The following TRIP12 variants were observed in gnomAD, a reference collection of about 807,000 sequenced individuals.
TRIP12 encodes the protein E3 ubiquitin-protein ligase TRIP12.
Under a neutral mutation model 244.2 loss-of-function variants are expected in TRIP12, and 25 were observed. The ratio of observed to expected loss-of-function variants is 0.10; its 90% confidence interval spans 0.07 to 0.14. The LOEUF (loss-of-function observed/expected upper bound fraction) is 0.14, where lower values mean the gene tolerates loss of function less well. Ranked by LOEUF, TRIP12 falls within the 10% of genes least tolerant of loss-of-function variation. The pLI is 1.00. For synonymous variants in TRIP12, 905 were observed against 873.1 expected (o/e 1.04, Z -0.64); for missense variants, 1,677 against 2,486.4 (o/e 0.67, Z 6.92).
chr2:229,887,499 C>A (rs1441553191), intron 1 of TRIP12, among the ~76,000 whole-genome samples: 1 of 152,096 alleles, frequency 6.6e-6, no homozygotes, highest in Non-Finnish European at 1.5e-5. Context: ...GGAGGCAGAT[C>A]AAGTAGAAAG....
intron 1 of TRIP12, among the ~76,000 whole-genome samples, chr2:229,884,455 T>G (rs1234768662): frequency 6.6e-6 from 1 of 152,050 alleles, no homozygotes; most frequent in Non-Finnish European, 1.5e-5. Context: ...CAGGCTGGTC[T>G]TGAACTCATG....
At chr2:229,907,894 A>G (rs955626430) in intron 1 of TRIP12, among the ~76,000 whole-genome samples, 3 of 152,168 alleles carry the variant, frequency 2.0e-5, no homozygotes, top group African/African-American at 7.2e-5. Flanking sequence ...ACATATATTA[A>G]CTAATTTAAT....
At chr2:229,780,705 T>G (rs376155276) in intron 34 of TRIP12, among the ~76,000 whole-genome samples, 1 of 152,326 alleles carries the variant, frequency 6.6e-6, no homozygotes, top group East Asian at 1.9e-4. Context: ...TCCACTCAAA[T>G]GTCCTCAGAC....
rs777620744 is a variant in TRIP12 at position 229,859,559 on chromosome 2, T to C, written c.240A>G (p.Ser80=). The change falls in exon 4 of 42, where the codon TCA becomes TCG. Residue 80 remains serine, a synonymous_variant. Coordinates refer to ENST00000675903, the MANE Select transcript of TRIP12 (RefSeq NM_001348323.3). ...GHLSKRSCSS[S]SAVIVPQPED... Reference sequence around the variant, plus strand: ...CTGGTTGTGGAACTATCACAGCAGATGATGAACTGCAGCTTCTAAGAGGTT... The same window carrying C: ...CTGGTTGTGGAACTATCACAGCAGACGATGAACTGCAGCTTCTAAGAGGTT... 7 of 1,612,244 alleles carry C rather than the reference T, an allele frequency of 4.3e-6. No individual in the cohort carries two copies. Among genetic ancestry groups the C allele is most frequent in the South Asian group, 1.1e-5 (1 of 90,956 alleles).
chr2:229,769,284 A>C lies in TRIP12; in HGVS notation c.5850T>G (p.Asp1950Glu). Residue 1950 changes from aspartate (D) to glutamate (E), a missense_variant, in exon 40 of 42, where the codon GAT (aspartate) becomes GAG (glutamate). Around this residue, in one of 11 missense-constraint regions of TRIP12, gnomAD observed 171 missense variants for 388.4 expected, o/e 0.44. Coordinates refer to ENST00000675903, the MANE Select transcript of TRIP12 (RefSeq NM_001348323.3). The part of the protein sequence containing the change: ...LLCGSKADTW[D>E]AKTLMECCRP... ...TACAGCATTCCATCAGTGTCTTTGC[A>C]TCCCAAGTGTCTGCTTTACTGCCAC... 1 of 1,614,130 alleles carries C rather than the reference A, an allele frequency of 6.2e-7. No homozygotes were observed. The highest frequency in any genetic ancestry group is 2.2e-5 in the East Asian group (1 of 44,862).
At chr2:229,834,160 T>C (rs892726973) in intron 6 of TRIP12, among the ~76,000 whole-genome samples, 1 of 152,236 alleles carries the variant, frequency 6.6e-6, no homozygotes, top group African/African-American at 2.4e-5. Flanking sequence ...CAGTTTCCAA[T>C]ACACACAAGT....
intron 7 of TRIP12, among the ~76,000 whole-genome samples, chr2:229,829,956 TCAAA>T (rs963382768): frequency 1.3e-5 from 2 of 151,938 alleles, no homozygotes; most frequent in Non-Finnish European, 2.9e-5. Flanking sequence ...CTCAAAACAA[TCAAA>T]CAAACAAAAA....
intron 1 of TRIP12, among the ~76,000 whole-genome samples, chr2:229,892,180 A>T (rs1244913087): frequency 6.6e-6 from 1 of 152,224 alleles, no homozygotes; most frequent in African/African-American, 2.4e-5. Context: ...GTGAAATAGG[A>T]GAAAAATAGG....
chr2:229,817,605 G>A (rs973113722), intron 9 of TRIP12, among the ~76,000 whole-genome samples: 1 of 152,126 alleles, frequency 6.6e-6, no homozygotes, highest in South Asian at 2.1e-4. Flanking sequence ...TGAGACAAGA[G>A]TTTTGCTCCT....
At chr2:229,774,874 C>T (rs1307153439) in intron 37 of TRIP12, among the ~76,000 whole-genome samples, 1 of 150,880 alleles carries the variant, frequency 6.6e-6, no homozygotes, top group Non-Finnish European at 1.5e-5. Flanking sequence ...AAAAGGCAAG[C>T]AATACTTTAT....
intron 6 of TRIP12, among the ~76,000 whole-genome samples, chr2:229,833,816 T>C (rs1234099077): frequency 6.6e-6 from 1 of 151,888 alleles, no homozygotes; most frequent in African/African-American, 2.4e-5. Flanking sequence ...ATTAGTTTGG[T>C]TTTACCAAAA....
chr2:229,858,333 A>G (rs1240902846), intron 4 of TRIP12, among the ~76,000 whole-genome samples: 1 of 152,230 alleles, frequency 6.6e-6, no homozygotes, highest in East Asian at 1.9e-4. Context: ...ACTGCACTCC[A>G]GCCTAGGCGA....
chr2:229,875,122 A>T (rs1285368539), intron 2 of TRIP12, among the ~76,000 whole-genome samples: 1 of 152,162 alleles, frequency 6.6e-6, no homozygotes, highest in African/African-American at 2.4e-5. Flanking sequence ...CTACAATCCA[A>T]AAAATTAGAG....
In TRIP12 at chr2:229,771,525, C is replaced by T. The variant is rs376795567; in HGVS notation, c.5802G>A (p.Pro1934=). The T allele has an allele frequency of 3.7e-5, 60 of 1,612,218 alleles. No individual in the cohort carries two copies. The highest frequency in any genetic ancestry group is 1.6e-4 in the African/African-American group (12 of 74,882). The part of the protein sequence containing the change: ...FPLSHLQYFY[P]EELDQLLCGS... ...TTAGATATAAGCTACTCACTTCCTC[C>T]GGGTAGAAGTACTGAAGATGACTGA... Residue 1934 remains proline, a synonymous_variant, in exon 39 of 42, where the codon CCG becomes CCA. Transcript: ENST00000675903.
intron 1 of TRIP12, among the ~76,000 whole-genome samples, chr2:229,918,571 G>A (rs1005588289): frequency 6.6e-6 from 1 of 152,150 alleles, no homozygotes; most frequent in Non-Finnish European, 1.5e-5. Flanking sequence ...TGAATTTGAA[G>A]TTTCTTTAAA....
rs759919223 is a variant in TRIP12, at chr2:229,808,296, A to C, written c.2295T>G (p.Val765=). ...CATACAACTCTTGAGGGCTTCGTGG[A>C]ACAAGATCAATCTGTTCCTGACAAC... is the stretch of plus-strand genomic sequence containing the variant. ...NGSCQEQIDL[V]PRSPQELYEL... is the part of the protein sequence containing the mutation. Residue 765 remains valine, a synonymous_variant, in exon 16 of 42, where the codon GTT becomes GTG. Coordinates refer to ENST00000675903, the MANE Select transcript of TRIP12 (RefSeq NM_001348323.3). The C allele has an allele frequency of 2.7e-5, 43 of 1,613,900 alleles. No homozygotes were observed. Among genetic ancestry groups the C allele is most frequent in the Non-Finnish European group, 3.6e-5 (43 of 1,180,004 alleles).
Position 229,818,395 on chromosome 2 carries a change from C to G in TRIP12, c.1568G>C (p.Gly523Ala). ...TGGAACAACACTCTTGACAGGAAAC[C>G]CTCCCAGTGTCTCCTCATTTCCCAT... ...LVMGNEETLG[G>A]FPVKSVVPAL... Residue 523 changes from glycine to alanine, a missense_variant, in exon 9 of 42, where the codon GGG becomes GCG. Transcript: ENST00000675903. The G allele has an allele frequency of 6.2e-7, 1 of 1,613,942 alleles. No individual in the cohort carries two copies. The highest frequency in any genetic ancestry group is 8.5e-7 in the Non-Finnish European group (1 of 1,179,944).
intron 39 of TRIP12, 141 bp from the exon 40 acceptor site, chr2:229,769,466 A>G: frequency 2.4e-6 from 1 of 415,984 alleles, no homozygotes; most frequent in East Asian, 4.0e-5. Context: ...CCAAAAAAAA[A>G]AAAATAATAA....
At chr2:229,911,219 A>G (rs1359169186) in intron 1 of TRIP12, among the ~76,000 whole-genome samples, 1 of 152,228 alleles carries the variant, frequency 6.6e-6, no homozygotes. Context: ...TTACTCTACA[A>G]ACAGGTACAA....
Sources: allele counts gnomAD v4.1 joint callset (sites outside exome capture counted in the v4.1 genomes callset), GRCh38; gene constraint gnomAD v4.1.1; regional missense constraint gnomAD v4.1.1; transcripts MANE v1.5; gene names NCBI Gene and HGNC (gene_info 2026-07-23, HGNC 2026-07-21).